The following NEO1 variants were observed in gnomAD, a reference collection of about 807,000 sequenced individuals.
The protein encoded by NEO1 is neogenin 1.
NEO1 carries 63 observed loss-of-function variants against 159.7 expected under a neutral mutation model. That is an observed-to-expected ratio of 0.39 (90% CI 0.32 to 0.49). The LOEUF is 0.49. NEO1 is among the 20% of genes least tolerant of loss of function. The pLI, the probability that NEO1 is intolerant of heterozygous loss-of-function variation, is 0.85. For missense variants in NEO1, 1,615 were observed against 1,831.0 expected, an observed-to-expected ratio of 0.88 and a Z score of 2.15; for synonymous variants, 633 against 662.0, an observed-to-expected ratio of 0.96 and a Z score of 0.67.
At position 73,116,409 on chromosome 15, in the gene NEO1, A is replaced by T. The variant is rs1012311196; in HGVS notation, c.131-131A>T. ...TCTTATTTATTAGACATTTGTAGTG[A>T]GATGACTATATTTATGTGTCACATT... On this transcript the variant is annotated intron_variant, in intron 1 of 28. Coordinates refer to ENST00000261908, the MANE Select transcript of NEO1 (RefSeq NM_002499.4). 2.2e-5 allele frequency: 15 copies of T among 680,866 alleles called. No homozygotes were observed. In the African/African-American group the frequency reaches 2.6e-4, roughly 12 times the overall value. The allele number at this position is 680,866 out of a possible 1,614,324, so 42.2% of individuals were successfully genotyped here. A position where few individuals can be genotyped will look rare whatever the true frequency, so the allele number is the denominator to read the frequency against.
At chr15:73,201,808 G>A (rs1183430605) in intron 7 of NEO1, among the ~76,000 whole-genome samples, 1 of 152,024 alleles carries the variant, frequency 6.6e-6, no homozygotes, top group Non-Finnish European at 1.5e-5. Flanking sequence ...TTATCATTAT[G>A]TAATACCTTC....
rs141697488 is a variant in NEO1 at position 73,115,835 on chromosome 15, G to A, written c.131-705G>A. Among the ~76,000 whole-genome samples the A allele has an allele frequency of 5.3e-3, 809 of 152,180 alleles. 25 individuals carry two copies. The highest frequency in any genetic ancestry group is 0.036 in the Admixed American group (556 of 15,280). ...TAGAGAAAGTAAGCTAATTCCTTCC[G>A]TGCTCTTTACACTAAAATGAATTCT... On this transcript the variant is annotated intron_variant, in intron 1 of 28. Transcript: ENST00000261908.
chr15:73,178,917 A>G (rs1406945123), intron 7 of NEO1, among the ~76,000 whole-genome samples: 1 of 152,174 alleles, frequency 6.6e-6, no homozygotes, highest in Non-Finnish European at 1.5e-5. Flanking sequence ...ACTACTATAT[A>G]TCAAACATAA....
intron 1 of NEO1, among the ~76,000 whole-genome samples, chr15:73,084,731 T>C (rs764884671): frequency 1.1e-4 from 16 of 152,190 alleles, no homozygotes; most frequent in Admixed American, 2.0e-4. Flanking sequence ...CATATTGTTT[T>C]CCACAATGGC....
intron 5 of NEO1, among the ~76,000 whole-genome samples, chr15:73,172,645 G>A (rs925598269): frequency 6.6e-6 from 1 of 152,150 alleles, no homozygotes; most frequent in Non-Finnish European, 1.5e-5. Flanking sequence ...ATATCCAAGA[G>A]TCAAAAGACA....
chr15:73,193,698 C>T (rs2036365484), intron 7 of NEO1, among the ~76,000 whole-genome samples: 1 of 150,024 alleles, frequency 6.7e-6, no homozygotes, highest in African/African-American at 2.5e-5. Context: ...CCATGGTCAC[C>T]CCAATTGTTG....
chr15:73,070,004 A>G (rs768996715), intron 1 of NEO1, among the ~76,000 whole-genome samples: 11 of 152,218 alleles, frequency 7.2e-5, no homozygotes, highest in Non-Finnish European at 1.6e-4. Context: ...CAAAAAGTAG[A>G]TTGGAAAGGA....
chr15:73,284,952 A>G (rs1217059732), intron 23 of NEO1, among the ~76,000 whole-genome samples: 1 of 150,908 alleles, frequency 6.6e-6, no homozygotes, highest in Admixed American at 6.6e-5. Flanking sequence ...TTTTTTTTCT[A>G]CTCTAGAACT....
chr15:73,238,234 G>T (rs1011009048), intron 8 of NEO1, among the ~76,000 whole-genome samples: 3 of 133,942 alleles, frequency 2.2e-5, no homozygotes, highest in African/African-American at 8.7e-5. Flanking sequence ...TTTGGTATGT[G>T]TGTGGTATTT....
At chr15:73,096,423 A>G (rs2070038611) in intron 1 of NEO1, among the ~76,000 whole-genome samples, 1 of 152,216 alleles carries the variant, frequency 6.6e-6, no homozygotes, top group Non-Finnish European at 1.5e-5. Flanking sequence ...TACAATGTTG[A>G]AGACAAAGCA....
intron 25 of NEO1, 137 bp from the exon 26 acceptor site, chr15:73,293,252 GC>G (rs1424440336): frequency 3.5e-5 from 33 of 930,104 alleles, no homozygotes; most frequent in Non-Finnish European, 5.2e-5. Flanking sequence ...ACCAGATCTA[GC>G]CAGCTGCCAC....
intron 4 of NEO1, among the ~76,000 whole-genome samples, chr15:73,131,245 T>C (rs1281860381): frequency 2.0e-5 from 3 of 152,150 alleles, no homozygotes; most frequent in African/African-American, 7.2e-5. Flanking sequence ...TGACAGAGAT[T>C]TTAGAATTAC....
At chr15:73,152,061 A>G (rs184158825) in intron 5 of NEO1, among the ~76,000 whole-genome samples, 10 of 150,766 alleles carry the variant, frequency 6.6e-5, no homozygotes, top group Admixed American at 4.6e-4. Context: ...AGTTTTCCAT[A>G]TAAATAAATA....
At chr15:73,168,132 G>T (rs1055125279) in intron 5 of NEO1, among the ~76,000 whole-genome samples, 1 of 152,102 alleles carries the variant, frequency 6.6e-6, no homozygotes, top group African/African-American at 2.4e-5. Context: ...TCAAGGGCTA[G>T]AAACAGGAAA....
At chr15:73,275,431 C>T (rs1376572429) in intron 21 of NEO1, among the ~76,000 whole-genome samples, 2 of 152,148 alleles carry the variant, frequency 1.3e-5, no homozygotes, top group Non-Finnish European at 2.9e-5. Context: ...GGGAGGATCA[C>T]TTGAGCCCAA....
chr15:73,085,544 T>A (rs2069310312), intron 1 of NEO1, among the ~76,000 whole-genome samples: 1 of 152,220 alleles, frequency 6.6e-6, no homozygotes. Flanking sequence ...TATGAGATAC[T>A]GCTCAGCTGT....
rs2151642002 is a variant in NEO1, at chr15:73,120,879, G to A, written c.449-1646G>A. Among the ~76,000 whole-genome samples, 2 of 152,136 alleles carry A rather than the reference G, an allele frequency of 1.3e-5. 1 individual carries two copies. Among genetic ancestry groups the A allele is most frequent in the South Asian group, 4.1e-4 (2 of 4,824 alleles). Reference sequence around the variant, plus strand: ...GAGATCATTTTAAACGTAGGGAGTAGGTGCAAGAATAGAACCAAGAAATCT... The same window carrying A: ...GAGATCATTTTAAACGTAGGGAGTAAGTGCAAGAATAGAACCAAGAAATCT... On this transcript the variant is annotated intron_variant, in intron 2 of 28. Transcript: ENST00000261908.
intron 5 of NEO1, among the ~76,000 whole-genome samples, chr15:73,154,061 T>C (rs907605928): frequency 1.3e-5 from 2 of 152,212 alleles, no homozygotes; most frequent in Admixed American, 6.5e-5. Flanking sequence ...TTTTAAAATA[T>C]CTTTCATATT....
At chr15:73,278,814 C>T (rs1310888901) in intron 22 of NEO1, among the ~76,000 whole-genome samples, 3 of 152,174 alleles carry the variant, frequency 2.0e-5, no homozygotes, top group African/African-American at 7.2e-5. Context: ...GTGCCTGGGG[C>T]CACGTGCTAA....
Sources: allele counts gnomAD v4.1 joint callset (sites outside exome capture counted in the v4.1 genomes callset), GRCh38; gene constraint gnomAD v4.1.1; transcripts MANE v1.5; gene names NCBI Gene and HGNC (gene_info 2026-07-23, HGNC 2026-07-21).